Variants in MAK observed in about 807,000 individuals in gnomAD.
MAK encodes the protein serine/threonine-protein kinase MAK.
In MAK, 65 loss-of-function variants were observed where a neutral mutation model predicts 82.6. The observed-to-expected ratio is 0.79, with a 90% CI of 0.64 to 0.97. The LOEUF (loss-of-function observed/expected upper bound fraction) is 0.97, where lower values mean the gene tolerates loss of function less well. Among genes scored for constraint, MAK ranks in the 50% least tolerant of loss-of-function variants. MAK has a pLI of 0.00. For synonymous variants in MAK, 250 were observed against 274.2 expected (o/e 0.91, Z 0.87); for missense variants, 703 against 780.2 (o/e 0.90, Z 1.18).
At chr6:10,770,797 G>T (rs1017101080) in intron 13 of MAK, among the ~76,000 whole-genome samples, 1 of 152,116 alleles carries the variant, frequency 6.6e-6, no homozygotes, top group African/African-American at 2.4e-5. Context: ...GCTCAATCTG[G>T]CGTTAGCATA....
chr6:10,765,096 CA>C (rs35882467), intron 14 of MAK, among the ~76,000 whole-genome samples: 99,536 of 137,214 alleles, frequency 0.73, 35,492 homozygotes, highest in East Asian at 0.91. Flanking sequence ...AACTCCATCT[CA>C]AAAAAAAAAA....
intron 6 of MAK, among the ~76,000 whole-genome samples, chr6:10,804,352 A>G (rs1472151395): frequency 6.6e-6 from 1 of 152,086 alleles, no homozygotes; most frequent in Non-Finnish European, 1.5e-5. Flanking sequence ...GTAGTCAACT[A>G]TATTTATTGA....
At chr6:10,786,357 C>T (rs144184953) in intron 10 of MAK, among the ~76,000 whole-genome samples, 1 of 152,284 alleles carries the variant, frequency 6.6e-6, no homozygotes, top group Non-Finnish European at 1.5e-5. Flanking sequence ...AGAGACCAAG[C>T]AGGGGATGGC....
chr6:10,797,867 A>G, intron 8 of MAK: 1 of 1,285,420 alleles, frequency 7.8e-7, no homozygotes, highest in Admixed American at 2.4e-5. Context: ...TCCACTAAAA[A>G]GCAGGGCTGT....
intron 10 of MAK, among the ~76,000 whole-genome samples, chr6:10,789,519 A>G (rs1047186093): frequency 3.9e-5 from 6 of 152,264 alleles, no homozygotes; most frequent in South Asian, 2.1e-4. Flanking sequence ...ATCTTTTCCT[A>G]TATGTATGTG....
intron 3 of MAK, 52 bp downstream of exon 3, chr6:10,818,834 C>A (rs1777699437): frequency 1.1e-6 from 1 of 933,570 alleles, no homozygotes; most frequent in South Asian, 1.3e-5. Flanking sequence ...TAACTACGGT[C>A]CTCAGGTAGT....
In MAK at chr6:10,797,959, C is replaced by G. The variant is rs545231777; in HGVS notation, c.832-1650G>C. On this transcript the variant is annotated intron_variant, in intron 8 of 14. Coordinates refer to ENST00000354489, the MANE Select transcript of MAK (RefSeq NM_001242957.3). Reference sequence around the variant, plus strand: ...ACAAATATACATAATTTGAATACTTCAATGCCTAGCACACTGAAGGTACTC... The same window carrying G: ...ACAAATATACATAATTTGAATACTTGAATGCCTAGCACACTGAAGGTACTC... The G allele has an allele frequency of 4.9e-5, 58 of 1,186,994 alleles. 1 individual carries two copies. In the South Asian group the frequency reaches 8.3e-4, roughly 17 times the overall value. 73.5% of individuals were successfully genotyped at this position (1,186,994 alleles called of 1,614,324 possible).
rs1173085772 is a variant in MAK at position 10,830,777 on chromosome 6, T to C, written c.-129A>G. On this transcript the variant is annotated 5_prime_UTR_variant, in exon 2 of 15. Coordinates refer to ENST00000354489, the MANE Select transcript of MAK (RefSeq NM_001242957.3). ...TGTTGCTACACTGGTGACAGGTTTGTCATCATTAAATATAGTCTCTCCCCC... is the reference window on the plus strand; with the variant it reads ...TGTTGCTACACTGGTGACAGGTTTGCCATCATTAAATATAGTCTCTCCCCC... 1.3e-6 allele frequency: 1 copy of C among 744,866 alleles called. No individual in the cohort carries two copies. The highest frequency in any genetic ancestry group is 2.4e-6 in the Non-Finnish European group (1 of 416,226). The allele number at this position is 744,866 out of a possible 1,614,324, so 46.1% of individuals were successfully genotyped here.
chr6:10,768,562 C>T (rs1010450094), intron 14 of MAK, among the ~76,000 whole-genome samples: 4 of 152,124 alleles, frequency 2.6e-5, no homozygotes, highest in African/African-American at 9.7e-5. Flanking sequence ...GCCTGGGCAA[C>T]AGAGCAAGAC....
intron 3 of MAK, among the ~76,000 whole-genome samples, chr6:10,818,478 G>A (rs1777661310): frequency 6.6e-6 from 1 of 152,078 alleles, no homozygotes; most frequent in Admixed American, 6.6e-5. Flanking sequence ...GCTGGGCATG[G>A]TGACACACAC....
At chr6:10,819,069 T>C (rs1254766794) in intron 2 of MAK, 129 bp from the exon 3 acceptor site, 4 of 680,624 alleles carry the variant, frequency 5.9e-6, no homozygotes, top group Non-Finnish European at 1.1e-5. Flanking sequence ...CTCATCCTTA[T>C]AAGGAAATCA....
chr6:10,804,474 CG>C, intron 6 of MAK, among the ~76,000 whole-genome samples: 1 of 152,306 alleles, frequency 6.6e-6, no homozygotes. Flanking sequence ...TCCCGAGCAG[CG>C]GGGATTACAG....
chr6:10,802,273 G>A (rs1776075558), intron 7 of MAK: 1 of 521,662 alleles, frequency 1.9e-6, no homozygotes, highest in Non-Finnish European at 3.4e-6. Flanking sequence ...AGGAAACAAT[G>A]CGAAAAGCAC....
intron 10 of MAK, among the ~76,000 whole-genome samples, chr6:10,789,238 A>G (rs1174838851): frequency 6.6e-6 from 1 of 152,036 alleles, no homozygotes; most frequent in Non-Finnish European, 1.5e-5. Flanking sequence ...GAAGACTTCC[A>G]TACTATACCA....
At chr6:10,767,179 T>C (rs762287547) in intron 14 of MAK, among the ~76,000 whole-genome samples, 15 of 152,222 alleles carry the variant, frequency 9.9e-5, no homozygotes, top group Non-Finnish European at 1.8e-4. Context: ...ATTTAACTTC[T>C]TGTAGAAAAT....
chr6:10,826,792 G>A (rs1307109949), intron 2 of MAK, among the ~76,000 whole-genome samples: 1 of 152,206 alleles, frequency 6.6e-6, no homozygotes, highest in Non-Finnish European at 1.5e-5. Flanking sequence ...GATGGGATGT[G>A]AGAAAGCTTT....
rs568176842 is a variant in MAK, at chr6:10,810,170, T to C, written c.359-1228A>G. Among the ~76,000 whole-genome samples, 381 of 150,576 alleles carry C rather than the reference T, an allele frequency of 2.5e-3. 1 individual carries two copies. The highest frequency in any genetic ancestry group is 2.8e-3 in the Non-Finnish European group (192 of 67,722). On this transcript the variant is annotated intron_variant, in intron 5 of 14. Coordinates refer to ENST00000354489, the MANE Select transcript of MAK (RefSeq NM_001242957.3). ...AAAAGAACAAACATTAAAGCCCTCCTGGCAGATGAGATTTGTCTTAAGGGA... is the reference window on the plus strand; with the variant it reads ...AAAAGAACAAACATTAAAGCCCTCCCGGCAGATGAGATTTGTCTTAAGGGA...
At position 10,784,026 on chromosome 6, in the gene MAK, AC is replaced by A. The variant is rs763710558; in HGVS notation, c.1465+397del. On this transcript the variant is annotated intron_variant, in intron 11 of 14. Coordinates refer to ENST00000354489, the MANE Select transcript of MAK (RefSeq NM_001242957.3). Reference sequence around the variant, plus strand: ...AGAGCGAGAATCTGTCTCAAAAAAAACAAAAAAACAAACAAACAAAAAAATG... The same window carrying A: ...AGAGCGAGAATCTGTCTCAAAAAAAAAAAAAAACAAACAAACAAAAAAATG... Among the ~76,000 whole-genome samples, 437 of 152,256 alleles carry A rather than the reference AC, an allele frequency of 2.9e-3. 3 individuals are homozygous for A. Among genetic ancestry groups the A allele is most frequent in the African/African-American group, 9.8e-3 (407 of 41,528 alleles).
intron 11 of MAK, among the ~76,000 whole-genome samples, chr6:10,782,577 ATTTT>A (rs70991043): frequency 3.2e-4 from 37 of 116,556 alleles, no homozygotes; most frequent in African/African-American, 1.0e-3. Flanking sequence ...TCCCAACTGG[ATTTT>A]TTTTTTTTTT....
Sources: allele counts gnomAD v4.1 joint callset (sites outside exome capture counted in the v4.1 genomes callset), GRCh38; gene constraint gnomAD v4.1.1; transcripts MANE v1.5; gene names NCBI Gene and HGNC (gene_info 2026-07-23, HGNC 2026-07-21).